IFT20: variants seen among roughly 807,000 people sequenced by gnomAD.
IFT20 encodes intraflagellar transport 20, also known as intraflagellar transport protein 20 homolog.
A neutral mutation model predicts 16.9 loss-of-function variants in IFT20; 4 were observed. The ratio of observed to expected loss-of-function variants is 0.24; its 90% CI spans 0.12 to 0.54. The LOEUF (loss-of-function observed/expected upper bound fraction) is 0.54, where lower values mean the gene tolerates loss of function less well. Ranked by LOEUF, IFT20 falls within the 20% of genes least tolerant of loss-of-function variation. The probability of loss-of-function intolerance (pLI) is 0.95; values close to 1 mark genes in which losing one functional copy is unlikely to be tolerated. For synonymous variants in IFT20, 48 were observed against 49.9 expected (o/e 0.96, Z 0.16); for missense variants, 154 against 149.7 (o/e 1.03, Z -0.15).
In IFT20 at chr17:28,328,583, A is replaced by G. The variant is rs1392474226; in HGVS notation, c.*69T>C. 2.1e-6 allele frequency: 2 copies of G among 952,634 alleles called. No individual in the cohort carries two copies. Among genetic ancestry groups the G allele is most frequent in the Non-Finnish European group, 3.3e-6 (2 of 612,408 alleles). 59.0% of individuals were successfully genotyped at this position (952,634 alleles called of 1,614,324 possible). A position where few individuals can be genotyped will look rare whatever the true frequency, so the allele number is the denominator to read the frequency against. On this transcript the variant is annotated 3_prime_UTR_variant, in exon 5 of 5. Coordinates refer to ENST00000395418, the MANE Select transcript of IFT20 (RefSeq NM_001267776.2). ...ATTGGTCAAGCCGCTGGAATGCTAC[A>G]GAGGTTTTTTTGGTTTTGAGAGGCT...
At chr17:28,332,930 A>G (rs1555576806) in intron 1 of IFT20, among the ~76,000 whole-genome samples, 5 of 152,094 alleles carry the variant, frequency 3.3e-5, no homozygotes, top group Non-Finnish European at 7.4e-5. Flanking sequence ...ATGCCAAGCT[A>G]AGGAGTTTGG....
chr17:28,334,316 G>A (rs1555577033), intron 1 of IFT20, among the ~76,000 whole-genome samples: 1 of 152,244 alleles, frequency 6.6e-6, no homozygotes, highest in Non-Finnish European at 1.5e-5. Flanking sequence ...CAAGTGAAAG[G>A]GGAAGCAAGG....
At chr17:28,333,969 G>C (rs1219673895) in intron 1 of IFT20, among the ~76,000 whole-genome samples, 1 of 152,134 alleles carries the variant, frequency 6.6e-6, no homozygotes, top group Non-Finnish European at 1.5e-5. Context: ...GCAGCTACAG[G>C]TCATTAATCT....
At chr17:28,328,946 G>T (rs1430541798) in intron 4 of IFT20, 2 of 616,816 alleles carry the variant, frequency 3.2e-6, no homozygotes, top group African/African-American at 1.9e-5. Flanking sequence ...CAACTTCGTG[G>T]ACCCTTTCAT....
In IFT20 at chr17:28,332,060, C is replaced by T; in HGVS notation, c.-2-73G>A. 6 of 1,611,750 alleles carry T rather than the reference C, an allele frequency of 3.7e-6. No homozygotes were observed. In the South Asian group the frequency reaches 5.5e-5, roughly 15 times the overall value. On this transcript the variant is annotated intron_variant, in intron 1 of 4. Transcript: ENST00000395418. ...GAAATGCCTGCTGCCAAGCCAGCCC[C>T]ACTCCTGCCCTTGGACACCAATGCC...
intron 3 of IFT20, chr17:28,329,528 G>T (rs1906590672): frequency 1.8e-5 from 8 of 436,588 alleles, no homozygotes; most frequent in Non-Finnish European, 3.3e-5. Flanking sequence ...TAGCACATTT[G>T]GTGGTGCCAT....
intron 1 of IFT20, among the ~76,000 whole-genome samples, chr17:28,334,252 G>T (rs1315613325): frequency 2.0e-5 from 3 of 152,222 alleles, no homozygotes; most frequent in Non-Finnish European, 4.4e-5. Flanking sequence ...GCCAACAGAG[G>T]CCTTCTGAAA....
At chr17:28,330,180 G>A (rs1250518786) in intron 3 of IFT20, 9 of 624,278 alleles carry the variant, frequency 1.4e-5, no homozygotes, top group African/African-American at 3.7e-5. Context: ...AGCTTGCAGT[G>A]AGCCGAGATT....
chr17:28,330,054 C>A, intron 3 of IFT20: 3 of 501,412 alleles, frequency 6.0e-6, no homozygotes, highest in Non-Finnish European at 3.4e-6. Flanking sequence ...GAGAAAACTC[C>A]GTCTCAAAAA....
chr17:28,329,381 G>T (rs1463210148), intron 3 of IFT20, 105 bp from the exon 4 acceptor site: 2 of 845,374 alleles, frequency 2.4e-6, no homozygotes, highest in Non-Finnish European at 3.8e-6. Context: ...TCTTCAGAGA[G>T]GAAAAGAAAG....
chr17:28,333,083 A>ACACG (rs1262820113), intron 1 of IFT20, among the ~76,000 whole-genome samples: 43 of 143,184 alleles, frequency 3.0e-4, no homozygotes, highest in African/African-American at 1.3e-3. Context: ...ACACACACAC[A>ACACG]CACACACACA....
chr17:28,332,436 T>C (rs1906853266), intron 1 of IFT20: 7 of 458,044 alleles, frequency 1.5e-5, no homozygotes, highest in South Asian at 1.5e-4. Flanking sequence ...AAATGCTTGT[T>C]TAGAAACATC....
intron 1 of IFT20, 195 bp from the exon 2 acceptor site, chr17:28,332,182 CT>C: frequency 6.5e-7 from 1 of 1,538,044 alleles, no homozygotes; most frequent in Non-Finnish European, 8.7e-7. Flanking sequence ...GAGTTCTGCT[CT>C]GAAGGAGTGA....
chr17:28,334,900 G>A (rs1555577105), intron 1 of IFT20, among the ~76,000 whole-genome samples: 3 of 152,172 alleles, frequency 2.0e-5, no homozygotes, highest in Admixed American at 2.0e-4. Context: ...CTGATTGGAA[G>A]GGCTGGCTTA....
At chr17:28,330,415 A>G in intron 3 of IFT20, 28 bp downstream of exon 3, 1 of 1,536,372 alleles carries the variant, frequency 6.5e-7, no homozygotes, top group Non-Finnish European at 9.0e-7. Context: ...CCAGGCCAAG[A>G]TGTAGGCGGA....
At chr17:28,334,794 T>C (rs1907025873) in intron 1 of IFT20, among the ~76,000 whole-genome samples, 2 of 152,214 alleles carry the variant, frequency 1.3e-5, no homozygotes, top group Admixed American at 1.3e-4. Flanking sequence ...GTCGAGGTGA[T>C]GGGGCTTAGC....
In IFT20 at chr17:28,332,025, G is replaced by A. The variant is rs1433130335; in HGVS notation, c.-2-38C>T. On this transcript the variant is annotated intron_variant, in intron 1 of 4. Transcript: ENST00000395418. ...AGGCCCAATTCCTCATCACTTCCCA[G>A]CCACCCAAGGAAATGCCTGCTGCCA... is the stretch of plus-strand genomic sequence containing the variant. 3 of 1,613,406 alleles carry A rather than the reference G, an allele frequency of 1.9e-6. No individual in the cohort carries two copies. The African/African-American group carries it at 4.0e-5, about 22-fold the overall frequency.
rs533367772 is a variant in IFT20 at position 28,330,249 on chromosome 17, A to T, written c.213+194T>A. On this transcript the variant is annotated intron_variant, in intron 3 of 4. Transcript: ENST00000395418. ...AGACTCTGTCTCAAAAAAAAAAAAA[A>T]AATAAAGATTAAAGGAAATAAAGAT... The T allele has an allele frequency of 2.8e-4, 170 of 615,246 alleles. 1 individual carries two copies. Among genetic ancestry groups the T allele is most frequent in the African/African-American group, 2.0e-3 (104 of 52,048 alleles). The allele number at this position is 615,246 out of a possible 1,614,324, so 38.1% of individuals were successfully genotyped here. A position where few individuals can be genotyped will look rare whatever the true frequency, so the allele number is the denominator to read the frequency against.
intron 4 of IFT20, 37 bp from the exon 5 acceptor site, chr17:28,328,770 A>G: frequency 7.9e-7 from 1 of 1,266,148 alleles, no homozygotes; most frequent in East Asian, 2.3e-5. Context: ...TGAAAAAAAG[A>G]TGAAGTAAAC....
Sources: allele counts gnomAD v4.1 joint callset (sites outside exome capture counted in the v4.1 genomes callset), GRCh38; gene constraint gnomAD v4.1.1; transcripts MANE v1.5; gene names NCBI Gene and HGNC (gene_info 2026-07-23, HGNC 2026-07-21).